The following MIA2 variants were observed in gnomAD, a reference collection of about 807,000 sequenced individuals.
MIA2 encodes melanoma inhibitory activity protein 2.
In MIA2, 127 loss-of-function variants were observed where a neutral mutation model predicts 167.8. The observed-to-expected ratio is 0.76, with a 90% CI of 0.66 to 0.88. The LOEUF is 0.88. Among genes scored for constraint, MIA2 ranks in the 40% least tolerant of loss-of-function variants. The pLI is 0.00. For synonymous variants in MIA2, 552 were observed against 541.9 expected (o/e 1.02, Z -0.26); for missense variants, 1,690 against 1,624.7 (o/e 1.04, Z -0.69).
rs556487379 is a variant in MIA2, at chr14:39,369,467, A to T, written c.2249-17418A>T. The stretch of plus-strand genomic sequence containing the variant: ...TTCACACTCATCCTTAATTCTGTGT[A>T]TAGTATAGGGTACACATCTTCAGGT... On this transcript the variant is annotated intron_variant, in intron 23 of 23. Coordinates refer to the MIA2 transcript ENST00000341502. Among the ~76,000 whole-genome samples, 17 of 152,352 alleles carry T rather than the reference A, an allele frequency of 1.1e-4. No homozygotes were observed. In the South Asian group the frequency reaches 3.5e-3, roughly 32 times the overall value.
At chr14:39,288,466 TATATATATA>T (rs1326749594) in intron 9 of MIA2, among the ~76,000 whole-genome samples, 37 of 37,730 alleles carry the variant, frequency 9.8e-4, no homozygotes, top group Middle Eastern at 9.1e-3. Flanking sequence ...TATATATATA[TATATATATA>T]TTTTTTTTTT....
chr14:39,266,698 CGGCTGGCTTCTCGG>C (rs2055720076), intron 6 of MIA2: 1 of 985,594 alleles, frequency 1.0e-6, no homozygotes, highest in African/African-American at 1.7e-5. Context: ...ATGACGGCGG[CGGCTGGCTTCTCGG>C]GGCTGCCGGG....
intron 9 of MIA2, among the ~76,000 whole-genome samples, chr14:39,284,636 C>T (rs901257952): frequency 1.3e-5 from 2 of 152,074 alleles, no homozygotes. Context: ...CAATTTCTTT[C>T]ATCAATGTTT....
rs1187565490 is a variant in MIA2 at position 39,317,986 on chromosome 14, A to T, written c.3259A>T (p.Lys1087Ter). 6.3e-7 allele frequency: 1 copy of T among 1,583,880 alleles called. No individual in the cohort carries two copies. The highest frequency in any genetic ancestry group is 1.8e-5 in the Admixed American group (1 of 54,682). ...NAERNLNDLR[K>*]ENAHNRQKLT... ...TGAAAGAAACCTCAATGATTTAAGG[A>T]AAGAAAATGCTCACAACAGACAAAA... Residue 1087 changes from lysine to a stop codon, truncating the protein, a stop_gained, in exon 22 of 29, where the codon AAA becomes TAA. Transcript: ENST00000640607. LOFTEE classifies it high-confidence loss of function.
At position 39,299,942 on chromosome 14, in the gene MIA2, G is replaced by C. The variant is rs35626166; in HGVS notation, c.2575G>C (p.Val859Leu). The part of the protein sequence containing the change: ...KQKVTFEDSK[V>L]HAEQVLNDKE... ...GAAAGTAACATTTGAAGACTCCAAAGTACATGCAGAACAAGTTCTAAATGA... is the reference window on the plus strand; with the variant it reads ...GAAAGTAACATTTGAAGACTCCAAACTACATGCAGAACAAGTTCTAAATGA... The change falls in exon 14 of 29, where the codon GTA becomes CTA. Residue 859 changes from valine (V) to leucine (L), a missense_variant. Physicochemically the swap from Val to Leu is conservative, Grantham distance 32. Transcript: ENST00000640607. 1.9e-4 allele frequency: 298 copies of C among 1,609,580 alleles called. No individual in the cohort carries two copies. The African/African-American group carries it at 3.6e-3, about 20-fold the overall frequency.
intron 3 of MIA2, among the ~76,000 whole-genome samples, chr14:39,241,388 T>C (rs1451749181): frequency 6.6e-6 from 1 of 152,216 alleles, no homozygotes; most frequent in Non-Finnish European, 1.5e-5. Context: ...TAGCTGTCTA[T>C]TTACTGTATA....
At chr14:39,354,958 C>T (rs1567044858), downstream of MIA2, among the ~76,000 whole-genome samples, 1 of 152,006 alleles carries the variant, frequency 6.6e-6, no homozygotes, top group Non-Finnish European at 1.5e-5. Flanking sequence ...GTTTTGGTTA[C>T]TGTAGCCTTG....
At chr14:39,270,270 C>A (rs1428776892) in intron 6 of MIA2, among the ~76,000 whole-genome samples, 2 of 143,714 alleles carry the variant, frequency 1.4e-5, no homozygotes, top group Non-Finnish European at 3.0e-5. Flanking sequence ...GGCATGATCT[C>A]GGCTCACTGC....
At chr14:39,301,404 A>T (rs953196012) in intron 14 of MIA2, among the ~76,000 whole-genome samples, 1 of 152,070 alleles carries the variant, frequency 6.6e-6, no homozygotes, top group Admixed American at 6.6e-5. Context: ...AACTTCCTCT[A>T]CTAAAGGCTT....
rs200807121 is a variant in MIA2 at position 39,298,542 on chromosome 14, T to G, written c.2497-1322T>G. 8.5e-4 allele frequency among the ~76,000 whole-genome samples: 82 copies of G among 96,994 alleles called. 5 individuals carry two copies. Among genetic ancestry groups the G allele is most frequent in the African/African-American group, 2.0e-3 (53 of 26,308 alleles). The allele number at this position is 96,994 out of a possible 152,430, so 63.6% of individuals were successfully genotyped here. On this transcript the variant is annotated intron_variant, in intron 13 of 28. Coordinates refer to ENST00000640607, the MANE Select transcript of MIA2 (RefSeq NM_001329214.4). ...TTGGTAGAACAGAGTTTTTTTTTTT[T>G]TTTTTTTTTTTTGTGAGCAACATGG...
chr14:39,279,261 C>A (rs1463352059), intron 7 of MIA2, 76 bp from the exon 8 acceptor site: 8 of 1,222,202 alleles, frequency 6.5e-6, no homozygotes, highest in Non-Finnish European at 8.2e-6. Context: ...TCTAAGTTGG[C>A]AGTAGACGTT....
chr14:39,305,987 G>A (rs1282253030), intron 17 of MIA2, among the ~76,000 whole-genome samples: 1 of 151,492 alleles, frequency 6.6e-6, no homozygotes, highest in Non-Finnish European at 1.5e-5. Context: ...GTGTTGGGTT[G>A]TAGTTTTCTT....
intron 7 of MIA2, among the ~76,000 whole-genome samples, chr14:39,277,275 C>T (rs2058139591): frequency 6.6e-6 from 1 of 151,698 alleles, no homozygotes; most frequent in African/African-American, 2.4e-5. Context: ...CCTCTAATCC[C>T]AGCACTTTGG....
chr14:39,375,889 A>T (rs991850642), intron 23 of MIA2, among the ~76,000 whole-genome samples: 1 of 152,226 alleles, frequency 6.6e-6, no homozygotes, highest in Non-Finnish European at 1.5e-5. Flanking sequence ...TTAAAGCAGG[A>T]TATTGTTATT....
At chr14:39,335,742 C>G (rs1185122705) in intron 25 of MIA2, among the ~76,000 whole-genome samples, 2 of 152,144 alleles carry the variant, frequency 1.3e-5, no homozygotes, top group African/African-American at 2.4e-5. Flanking sequence ...AGTTTTTCAG[C>G]CCTTGCCTCC....
intron 23 of MIA2, among the ~76,000 whole-genome samples, chr14:39,369,339 T>C (rs1160200806): frequency 6.6e-6 from 1 of 152,208 alleles, no homozygotes; most frequent in Non-Finnish European, 1.5e-5. Context: ...GTGTTTTAGC[T>C]AGAGGCAAAT....
intron 6 of MIA2, chr14:39,265,567 A>G (rs1594759078): frequency 1.7e-6 from 1 of 605,070 alleles, no homozygotes; most frequent in Non-Finnish European, 2.8e-6. Context: ...AATATTTTTA[A>G]TATTTGGAGT....
intron 6 of MIA2, among the ~76,000 whole-genome samples, chr14:39,254,200 A>C (rs574512449): frequency 1.3e-5 from 2 of 152,282 alleles, no homozygotes; most frequent in African/African-American, 4.8e-5. Flanking sequence ...TTAGCCAGAC[A>C]AAGAAAGGAT....
chr14:39,321,893 T>A (rs2066512770), intron 24 of MIA2, among the ~76,000 whole-genome samples: 1 of 152,014 alleles, frequency 6.6e-6, no homozygotes, highest in African/African-American at 2.4e-5. Context: ...CCTGAGTAGC[T>A]GGGATTACAG....
Sources: allele counts gnomAD v4.1 joint callset (sites outside exome capture counted in the v4.1 genomes callset), GRCh38; gene constraint gnomAD v4.1.1; transcripts MANE v1.5; gene names NCBI Gene and HGNC (gene_info 2026-07-23, HGNC 2026-07-21).